COPB1: variants seen among roughly 807,000 people sequenced by gnomAD.
The protein encoded by COPB1 is coatomer subunit beta.
A neutral mutation model predicts 108.7 loss-of-function variants in COPB1; 21 were observed. The observed-to-expected ratio is 0.19, with a 90% CI of 0.14 to 0.28. The LOEUF (loss-of-function observed/expected upper bound fraction) is 0.28, where lower values mean the gene tolerates loss of function less well. COPB1 is among the 10% of genes least tolerant of loss of function. The pLI is 1.00. For synonymous variants in COPB1, 378 were observed against 386.8 expected, an observed-to-expected ratio of 0.98 and a Z score of 0.27; for missense variants, 919 against 1,141.3, an observed-to-expected ratio of 0.81 and a Z score of 2.81.
intron 2 of COPB1, among the ~76,000 whole-genome samples, chr11:14,496,222 A>G (rs1177180635): frequency 6.6e-6 from 1 of 152,204 alleles, no homozygotes; most frequent in Non-Finnish European, 1.5e-5. Flanking sequence ...TAGCAGTTCA[A>G]TTAAACAAGA....
intron 7 of COPB1, among the ~76,000 whole-genome samples, chr11:14,485,480 T>C (rs1480876738): frequency 1.3e-5 from 2 of 152,204 alleles, no homozygotes; most frequent in Non-Finnish European, 2.9e-5. Context: ...CACGTAACTT[T>C]TGACTCCCCA....
At chr11:14,487,505 T>A (rs1465967643) in intron 6 of COPB1, among the ~76,000 whole-genome samples, 1 of 151,912 alleles carries the variant, frequency 6.6e-6, no homozygotes, top group East Asian at 1.9e-4. Flanking sequence ...TGAAACCCCG[T>A]CTCTACTAAA....
intron 14 of COPB1, among the ~76,000 whole-genome samples, chr11:14,471,931 T>A (rs1009481846): frequency 6.6e-5 from 10 of 151,200 alleles, no homozygotes; most frequent in Non-Finnish European, 1.3e-4. Flanking sequence ...TAAAAAAAAA[T>A]TTTTTTTTAG....
rs144991854 is a variant in COPB1, at chr11:14,475,793, C to T, written c.1608G>A (p.Glu536=). The change falls in exon 13 of 22, where the codon GAG becomes GAA. Residue 536 remains glutamate, a synonymous_variant. Coordinates refer to ENST00000439561, the MANE Select transcript of COPB1 (RefSeq NM_001144061.2). The part of the protein sequence containing the change: ...ALSSSRPTKK[E]EDRPPLRGFL... ...TATGTGCCATAAATTACCTGTCTTC[C>T]TCTTTCTTGGTGGGTCTAGAACTGC... is the stretch of plus-strand genomic sequence containing the variant. 4.1e-5 allele frequency: 64 copies of T among 1,568,126 alleles called. No individual in the cohort carries two copies. The African/African-American group carries it at 8.5e-4, about 21-fold the overall frequency.
At chr11:14,470,398 A>C (rs533166918) in intron 14 of COPB1, among the ~76,000 whole-genome samples, 2 of 152,312 alleles carry the variant, frequency 1.3e-5, no homozygotes, top group Non-Finnish European at 2.9e-5. Context: ...CTGCTATCTT[A>C]ATCTTTATAC....
intron 2 of COPB1, among the ~76,000 whole-genome samples, chr11:14,496,681 A>C (rs946863222): frequency 2.3e-5 from 2 of 87,754 alleles, no homozygotes; most frequent in Non-Finnish European, 4.6e-5. Context: ...GACATTCTTC[A>C]CAGAAAAAAA....
At chr11:14,483,234 AC>A in intron 7 of COPB1, 83 bp from the exon 8 acceptor site, 1 of 346,662 alleles carries the variant, frequency 2.9e-6, no homozygotes, top group Non-Finnish European at 4.8e-6. Flanking sequence ...CACACCACAC[AC>A]ACACACACAC....
intron 13 of COPB1, 97 bp from the exon 14 acceptor site, chr11:14,474,712 T>G (rs1850480745): frequency 6.7e-7 from 1 of 1,487,426 alleles, no homozygotes; most frequent in Non-Finnish European, 9.0e-7. Flanking sequence ...ACACTCTTAT[T>G]ACCATCCTTC....
chr11:14,498,796 TTTC>T (rs1851083698), intron 2 of COPB1, 39 bp downstream of exon 2: 2 of 1,486,078 alleles, frequency 1.3e-6, no homozygotes, highest in South Asian at 1.3e-5. Flanking sequence ...ATTTTTGTTT[TTTC>T]TTTTTTCATT....
chr11:14,464,258 C>T (rs757869913), intron 18 of COPB1, among the ~76,000 whole-genome samples: 4 of 152,204 alleles, frequency 2.6e-5, no homozygotes, highest in Admixed American at 6.5e-5. Context: ...CTCCCAATCC[C>T]CCACCACTCT....
rs1283824499 is a variant in COPB1, at chr11:14,458,404, G to A, written c.2802+128C>T. ...GAGAAAAGTTATACTTCTATTCAGA[G>A]TATATTATTATTGTATGTGTATATG... On this transcript the variant is annotated intron_variant, in intron 21 of 21. Coordinates refer to ENST00000439561, the MANE Select transcript of COPB1 (RefSeq NM_001144061.2). The A allele has an allele frequency of 1.0e-5, 9 of 873,880 alleles. No homozygotes were observed. The African/African-American group carries it at 1.2e-4, about 12-fold the overall frequency. 54.1% of individuals were successfully genotyped at this position (873,880 alleles called of 1,614,324 possible). A position where few individuals can be genotyped will look rare whatever the true frequency, so the allele number is the denominator to read the frequency against.
chr11:14,483,282 CATTA>C, intron 7 of COPB1, 131 bp from the exon 8 acceptor site: 1 of 506,750 alleles, frequency 2.0e-6, no homozygotes, highest in South Asian at 4.5e-5. Context: ...AAAATACACT[CATTA>C]ATTAATCCCT....
At chr11:14,498,331 C>T (rs1851073531) in intron 2 of COPB1, among the ~76,000 whole-genome samples, 1 of 152,124 alleles carries the variant, frequency 6.6e-6, no homozygotes, top group Admixed American at 6.5e-5. Context: ...ACAAAAAGTT[C>T]AGAAATATAG....
rs779940106 is a variant in COPB1 at position 14,469,371 on chromosome 11, A to G, written c.1930T>C (p.Ser644Pro). ...ECRQSLSHML[S>P]AKLEEEKLSQ... ...AATTTCTCTTCTTCTAGTTTAGCAG[A>G]TAACATGTGAGAAAGGGACTGTCTG... is the stretch of plus-strand genomic sequence containing the variant. The change falls in exon 15 of 22, where the codon TCT becomes CCT. Residue 644 changes from serine (S) to proline (P), a missense_variant. Around this residue, in one of 5 missense-constraint regions of COPB1, gnomAD observed 705 missense variants for 817.8 expected, o/e 0.86. Transcript: ENST00000439561. 6.2e-7 allele frequency: 1 copy of G among 1,614,160 alleles called. No individual in the cohort carries two copies. Among genetic ancestry groups the G allele is most frequent in the Non-Finnish European group, 8.5e-7 (1 of 1,179,996 alleles).
At chr11:14,477,616 C>A (rs1248622363) in intron 11 of COPB1, among the ~76,000 whole-genome samples, 1 of 150,616 alleles carries the variant, frequency 6.6e-6, no homozygotes, top group Non-Finnish European at 1.5e-5. Flanking sequence ...TCCTTGAGGC[C>A]GGGCACAGTG....
chr11:14,474,275 G>A (rs1274501184), intron 14 of COPB1: 2 of 342,910 alleles, frequency 5.8e-6, no homozygotes, highest in Non-Finnish European at 1.1e-5. Context: ...CATTGTTATT[G>A]TATTACTTTG....
chr11:14,466,181 G>C, intron 17 of COPB1, 101 bp downstream of exon 17: 1 of 1,134,440 alleles, frequency 8.8e-7, no homozygotes, highest in Non-Finnish European at 1.2e-6. Flanking sequence ...TGTCAGAAAA[G>C]GTTCAAGAGA....
At chr11:14,475,175 T>G (rs1850495734) in intron 13 of COPB1, among the ~76,000 whole-genome samples, 1 of 151,622 alleles carries the variant, frequency 6.6e-6, no homozygotes. Context: ...GATACAATAT[T>G]TAATTAGGGG....
intron 20 of COPB1, 46 bp downstream of exon 20, chr11:14,460,162 A>G: frequency 8.2e-7 from 1 of 1,225,938 alleles, no homozygotes; most frequent in South Asian, 1.2e-5. Context: ...CCAGGAACCT[A>G]CTCTACCATT....
Sources: gnomAD v4.1 joint callset for allele counts (sites outside exome capture counted in the v4.1 genomes callset) on GRCh38, gnomAD v4.1.1 for gene constraint, gnomAD v4.1.1 regional missense constraint, MANE v1.5 for transcripts, NCBI Gene and HGNC (gene_info 2026-07-23, HGNC 2026-07-21) for gene names.